HYDIN: variants seen among roughly 807,000 people sequenced by gnomAD.
HYDIN encodes axonemal central pair apparatus protein HYDIN.
A neutral mutation model predicts 403.9 loss-of-function variants in HYDIN; 132 were observed. That is an observed-to-expected ratio of 0.33 (90% CI 0.28 to 0.38). HYDIN has a LOEUF of 0.38. Ranked by LOEUF, HYDIN falls within the 10% of genes least tolerant of loss-of-function variation. The probability of loss-of-function intolerance (pLI) is 1.00; values close to 1 mark genes in which losing one functional copy is unlikely to be tolerated. For synonymous variants in HYDIN, 1,202 were observed against 1,891.7 expected (o/e 0.64, Z 9.46); for missense variants, 2,827 against 5,009.5 (o/e 0.56, Z 13.15).
In HYDIN at chr16:70,879,504, A is replaced by G. The variant is rs769678852; in HGVS notation, c.10368-18T>C. 1 of 1,611,920 alleles carries G rather than the reference A, an allele frequency of 6.2e-7. No individual in the cohort carries two copies. Among genetic ancestry groups the G allele is most frequent in the Non-Finnish European group, 8.5e-7 (1 of 1,178,724 alleles). ...CCAGGGTGCTGTAGGGGACAGGAAGATTGTAGCCTGTCAGCCTGGCATGGT... is the reference window on the plus strand; with the variant it reads ...CCAGGGTGCTGTAGGGGACAGGAAGGTTGTAGCCTGTCAGCCTGGCATGGT... On this transcript the variant is annotated intron_variant, in intron 61 of 85. Coordinates refer to ENST00000393567, the MANE Select transcript of HYDIN (RefSeq NM_001270974.2).
chr16:70,844,186 T>G (rs1380113098), intron 75 of HYDIN, among the ~76,000 whole-genome samples: 4 of 131,540 alleles, frequency 3.0e-5, no homozygotes, highest in Non-Finnish European at 4.5e-5. Flanking sequence ...GGTCTAACGT[T>G]TAAGTCTTTA....
At chr16:70,851,217 A>AT (rs1436946659) in intron 73 of HYDIN, among the ~76,000 whole-genome samples, 1 of 147,034 alleles carries the variant, frequency 6.8e-6, no homozygotes, top group East Asian at 1.9e-4. Context: ...AAAAAAAAAA[A>AT]AAAAAAAAAA....
At chr16:70,979,132 C>T in intron 29 of HYDIN, 91 bp from the exon 30 acceptor site, 8 of 1,278,034 alleles carry the variant, frequency 6.3e-6, no homozygotes, top group Non-Finnish European at 8.7e-6. Context: ...AGACCCTCAG[C>T]TCCTGGTAAG....
intron 5 of HYDIN, 148 bp from the exon 6 acceptor site, chr16:71,162,878 T>C (rs1378347073): frequency 1.7e-6 from 1 of 599,708 alleles, no homozygotes; most frequent in African/African-American, 1.9e-5. Flanking sequence ...AGAAGTACTT[T>C]CAAATGAGAT....
intron 18 of HYDIN, among the ~76,000 whole-genome samples, chr16:71,054,208 C>T (rs1246916763): frequency 6.6e-5 from 10 of 152,328 alleles, no homozygotes; most frequent in African/African-American, 2.2e-4. Flanking sequence ...TTTTGTAAAA[C>T]CCATCAGAAA....
At chr16:70,834,895 TATATATACACACACAC>T (rs1310746545) in intron 78 of HYDIN, among the ~76,000 whole-genome samples, 1 of 148,784 alleles carries the variant, frequency 6.7e-6, no homozygotes, top group East Asian at 2.0e-4. Context: ...TGTGTGTATA[TATATATACACACACAC>T]ATATATACAC....
intron 50 of HYDIN, among the ~76,000 whole-genome samples, chr16:70,905,440 G>C (rs1435385027): frequency 2.0e-5 from 3 of 151,656 alleles, no homozygotes; most frequent in African/African-American, 7.3e-5. Flanking sequence ...CTCGGAGTTC[G>C]AGACCAGCCT....
intron 5 of HYDIN, among the ~76,000 whole-genome samples, chr16:71,169,517 A>G (rs2144623767): frequency 6.6e-6 from 1 of 152,344 alleles, no homozygotes; most frequent in Non-Finnish European, 1.5e-5. Flanking sequence ...ATCATTTGTG[A>G]CAACATGGAT....
intron 23 of HYDIN, among the ~76,000 whole-genome samples, chr16:70,993,927 A>G (rs2079441007): frequency 6.6e-6 from 1 of 152,182 alleles, no homozygotes; most frequent in African/African-American, 2.4e-5. Flanking sequence ...TTAAAGGAAA[A>G]TTCTATGTCA....
chr16:71,219,408 T>C (rs2089073300), intron 1 of HYDIN, among the ~76,000 whole-genome samples: 2 of 152,172 alleles, frequency 1.3e-5, no homozygotes, highest in African/African-American at 2.4e-5. Flanking sequence ...GTCAACCAAG[T>C]TGACTTTTTG....
chr16:71,070,882 T>C (rs1032948287), intron 13 of HYDIN, among the ~76,000 whole-genome samples: 5 of 143,070 alleles, frequency 3.5e-5, no homozygotes, highest in African/African-American at 1.3e-4. Flanking sequence ...ATTAGGCCAT[T>C]GGAGGAAACA....
rs1466039503 is a variant in HYDIN at position 71,042,435 on chromosome 16, C to G, written c.2530-10518G>C. On this transcript the variant is annotated intron_variant, in intron 18 of 85. Transcript: ENST00000393567. ...TTTTCCCCATGGTAAATAATAATAG[C>G]TTTTTTCTTGCCCACTCTCCATGTC... Among the ~76,000 whole-genome samples the G allele has an allele frequency of 2.6e-5, 4 of 152,114 alleles. No homozygotes were observed. The South Asian group carries it at 8.3e-4, about 32-fold the overall frequency.
At chr16:71,115,626 C>A (rs2083996065) in intron 10 of HYDIN, 70 bp downstream of exon 10, 2 of 858,848 alleles carry the variant, frequency 2.3e-6, no homozygotes, top group South Asian at 1.4e-5. Context: ...CACACACACA[C>A]ACTCAGGCAC....
intron 4 of HYDIN, among the ~76,000 whole-genome samples, chr16:71,177,188 G>A (rs1321428182): frequency 1.2e-4 from 18 of 152,294 alleles, no homozygotes; most frequent in African/African-American, 3.8e-4. Flanking sequence ...AAACTCACAC[G>A]TGCCCTTTAC....
chr16:70,955,459 T>C lies in HYDIN; in HGVS notation c.6232A>G (p.Ser2078Gly). 6.8e-6 allele frequency: 11 copies of C among 1,613,928 alleles called. No homozygotes were observed. The highest frequency in any genetic ancestry group is 9.3e-6 in the Non-Finnish European group (11 of 1,179,876). Reference protein sequence around the residue: ...DSIVLEAVANSNNIPGIRARE... With the variant: ...DSIVLEAVANGNNIPGIRARE... Reference sequence around the variant, plus strand: ...GCCCGGATCCCTGGGATGTTGTTGCTGTTGGCCACAGCTTCCAGCACAATG... The same window carrying C: ...GCCCGGATCCCTGGGATGTTGTTGCCGTTGGCCACAGCTTCCAGCACAATG... The change falls in exon 40 of 86, where the codon AGC becomes GGC. Residue 2078 changes from serine to glycine, a missense_variant. Ser to Gly is a moderately conservative substitution (Grantham distance 56). Coordinates refer to ENST00000393567, the MANE Select transcript of HYDIN (RefSeq NM_001270974.2).
At chr16:71,116,230 C>CTTTTTT (rs3051996) in intron 9 of HYDIN, among the ~76,000 whole-genome samples, 2 of 97,836 alleles carry the variant, frequency 2.0e-5, no homozygotes, top group Non-Finnish European at 3.8e-5. Context: ...TGAGTTAGAC[C>CTTTTTT]TTTTTTTTTT....
At chr16:71,228,289 A>G (rs927800661) in intron 1 of HYDIN, among the ~76,000 whole-genome samples, 1 of 152,202 alleles carries the variant, frequency 6.6e-6, no homozygotes, top group African/African-American at 2.4e-5. Flanking sequence ...AGCAATGGCA[A>G]CAAAAGCCAG....
chr16:70,922,234 T>C (rs1313234410), intron 45 of HYDIN, among the ~76,000 whole-genome samples: 3 of 152,122 alleles, frequency 2.0e-5, no homozygotes, highest in East Asian at 1.9e-4. Flanking sequence ...CGGTGCCTCA[T>C]GTGGGGGAGG....
intron 17 of HYDIN, among the ~76,000 whole-genome samples, chr16:71,061,907 A>G (rs1281503507): frequency 1.3e-5 from 2 of 149,334 alleles, no homozygotes; most frequent in Admixed American, 6.6e-5. Flanking sequence ...AGAGAGAGAG[A>G]GAGAGAGAGA....
Sources: allele counts gnomAD v4.1 joint callset (sites outside exome capture counted in the v4.1 genomes callset), GRCh38; gene constraint gnomAD v4.1.1; transcripts MANE v1.5; gene names NCBI Gene and HGNC (gene_info 2026-07-23, HGNC 2026-07-21).